Variants in IL20 observed in about 807,000 individuals in gnomAD.
The protein encoded by IL20 is interleukin 20, also known as interleukin-20.
IL20 carries 22 observed loss-of-function variants against 19.2 expected under a neutral mutation model. The observed-to-expected ratio is 1.15, with a 90% CI of 0.82 to 1.64. The LOEUF is 1.64. IL20 is among the 40% of genes most tolerant of loss of function. IL20 has a pLI of 0.00. For synonymous variants in IL20, 70 were observed against 76.2 expected (o/e 0.92, Z 0.43); for missense variants, 215 against 212.8 (o/e 1.01, Z -0.06).
chr1:206,868,149 T>TAC (rs140903616), intron 5 of IL20, among the ~76,000 whole-genome samples: 26 of 151,206 alleles, frequency 1.7e-4, no homozygotes, highest in Admixed American at 1.1e-3. Context: ...AGGCAACCCC[T>TAC]ACACACACAC....
At chr1:206,863,628 C>T (rs1425055218), upstream of IL20, among the ~76,000 whole-genome samples, 1 of 152,224 alleles carries the variant, frequency 6.6e-6, no homozygotes, top group Non-Finnish European at 1.5e-5. Flanking sequence ...TTACCCTCTA[C>T]TGACACTGCT....
rs962544964 is a variant in IL20 at position 206,867,249 on chromosome 1, G to C, written c.379-135G>C. The C allele has an allele frequency of 4.5e-6, 3 of 668,320 alleles. No homozygotes were observed. In the African/African-American group the frequency reaches 5.5e-5, roughly 12 times the overall value. 41.4% of individuals were successfully genotyped at this position (668,320 alleles called of 1,614,324 possible). ...TGAACTTAGTGATTCCAAATGTGAGGTCTGAAAGAGCTTTTCTATAGGAAT... is the reference window on the plus strand; with the variant it reads ...TGAACTTAGTGATTCCAAATGTGAGCTCTGAAAGAGCTTTTCTATAGGAAT... On this transcript the variant is annotated intron_variant, in intron 4 of 5. Coordinates refer to ENST00000367098, the MANE Select transcript of IL20 (RefSeq NM_018724.4).
At chr1:206,867,933 T>C (rs1677606021) in intron 5 of IL20, among the ~76,000 whole-genome samples, 1 of 152,192 alleles carries the variant, frequency 6.6e-6, no homozygotes, top group African/African-American at 2.4e-5. Context: ...AGGAAGGTGC[T>C]GGCTCCTTCT....
rs2232362 is a variant in IL20 at position 206,868,596 on chromosome 1, G to C, written c.*32G>C. Reference sequence around the variant, plus strand: ...AGTGATGCTGCTGCTAAGAATATTCGAGGTCAAGAGCTCCAGTCTTCAATA... The same window carrying C: ...AGTGATGCTGCTGCTAAGAATATTCCAGGTCAAGAGCTCCAGTCTTCAATA... On this transcript the variant is annotated 3_prime_UTR_variant, in exon 6 of 6. Coordinates refer to ENST00000367098, the MANE Select transcript of IL20 (RefSeq NM_018724.4). The C allele has an allele frequency of 6.5e-7, 1 of 1,533,990 alleles. No homozygotes were observed. The highest frequency in any genetic ancestry group is 1.2e-5 in the South Asian group (1 of 81,648).
chr1:206,866,430 T>A, intron 3 of IL20, 54 bp from the exon 4 acceptor site: 3 of 1,613,492 alleles, frequency 1.9e-6, no homozygotes, highest in Non-Finnish European at 2.5e-6. Context: ...ATCACCCTGG[T>A]CTTGTCTCTG....
chr1:206,866,698 T>A, intron 4 of IL20, 62 bp downstream of exon 4: 1 of 1,482,118 alleles, frequency 6.7e-7, no homozygotes, highest in Non-Finnish European at 9.3e-7. Context: ...GCTTAGCAAC[T>A]AAACTCTCTT....
chr1:206,867,988 C>G (rs1484193626), intron 5 of IL20, among the ~76,000 whole-genome samples: 1 of 152,084 alleles, frequency 6.6e-6, no homozygotes, highest in African/African-American at 2.4e-5. Context: ...GAATTTCATC[C>G]CTTTATTCAC....
chr1:206,866,883 T>C (rs1429562842), intron 4 of IL20, among the ~76,000 whole-genome samples: 1 of 152,206 alleles, frequency 6.6e-6, no homozygotes, highest in Non-Finnish European at 1.5e-5. Context: ...TTGATATTAA[T>C]GATAACTCTG....
chr1:206,864,366 C>T (rs1171351893), upstream of IL20, among the ~76,000 whole-genome samples: 3 of 151,544 alleles, frequency 2.0e-5, no homozygotes, highest in Admixed American at 1.3e-4. Context: ...CAGTGCTGTG[C>T]CAAGCTATGG....
In IL20 at chr1:206,866,612, C is replaced by T; in HGVS notation, c.354C>T (p.Thr118=). The T allele has an allele frequency of 6.2e-7, 1 of 1,614,106 alleles. No individual in the cohort carries two copies. The highest frequency in any genetic ancestry group is 8.5e-7 in the Non-Finnish European group (1 of 1,179,986). ...GCAGCCTCGCCAATTCCTTTCTTAC[C>T]ATCAAGAAGGACCTCCGGCTCTGTG... ...KISSLANSFL[T]IKKDLRLCHA... is the part of the protein sequence containing the mutation. Residue 118 remains threonine, a synonymous_variant, in exon 4 of 6, where the codon ACC becomes ACT. Transcript: ENST00000367098.
Position 206,865,933 on chromosome 1 carries a change from A to T in IL20, c.81A>T (p.Thr27=). 6.2e-7 allele frequency: 1 copy of T among 1,614,110 alleles called. No individual in the cohort carries two copies. The highest frequency in any genetic ancestry group is 8.5e-7 in the Non-Finnish European group (1 of 1,180,006). ...LLWTPSTGLK[T]LNLGSCVIAT... is the part of the protein sequence containing the mutation. ...GGACTCCTTCCACTGGACTGAAGAC[A>T]CTCAATTTGGGAAGCTGTGTGATCG... The change falls in exon 2 of 6, where the codon ACA becomes ACT. Residue 27 remains threonine, a synonymous_variant. Coordinates refer to ENST00000367098, the MANE Select transcript of IL20 (RefSeq NM_018724.4). The surrounding 1 kb of genome is among the most constrained non-coding windows in gnomAD (Gnocchi z 4.1).
intron 2 of IL20, 47 bp downstream of exon 2, chr1:206,866,058 T>A (rs773568390): frequency 6.4e-7 from 1 of 1,560,532 alleles, no homozygotes; most frequent in East Asian, 2.2e-5. Flanking sequence ...TTCTCTTCCT[T>A]CCTTGTCCGT....
upstream of IL20, among the ~76,000 whole-genome samples, chr1:206,863,960 T>G (rs1440034838): frequency 1.3e-5 from 2 of 152,244 alleles, no homozygotes; most frequent in Non-Finnish European, 2.9e-5. Context: ...GGGTTAAGTT[T>G]AATTATCACC....
At chr1:206,866,700 A>G in intron 4 of IL20, 64 bp downstream of exon 4, 1 of 1,478,304 alleles carries the variant, frequency 6.8e-7, no homozygotes, top group Non-Finnish European at 9.4e-7. Flanking sequence ...TTAGCAACTA[A>G]ACTCTCTTTC....
intron 5 of IL20, among the ~76,000 whole-genome samples, chr1:206,868,246 T>C (rs931490035): frequency 7.9e-5 from 12 of 152,244 alleles, no homozygotes; most frequent in African/African-American, 2.6e-4. Context: ...GAGTCTTAAG[T>C]AGCAGTTTTA....
At position 206,865,882 on chromosome 1, in the gene IL20, T is replaced by C; in HGVS notation, c.30T>C (p.Leu10=). 6.2e-7 allele frequency: 1 copy of C among 1,614,092 alleles called. No homozygotes were observed. Among genetic ancestry groups the C allele is most frequent in the Non-Finnish European group, 8.5e-7 (1 of 1,179,980 alleles). The part of the protein sequence containing the change: MKASSLAFS[L]LSAAFYLLWT... The stretch of plus-strand genomic sequence containing the variant: ...AAGCCTCTAGTCTTGCCTTCAGCCT[T>C]CTCTCTGCTGCGTTTTATCTCCTAT... The change falls in exon 2 of 6, where the codon CTT becomes CTC. Residue 10 remains leucine (L), a synonymous_variant. Coordinates refer to ENST00000367098, the MANE Select transcript of IL20 (RefSeq NM_018724.4). The surrounding 1 kb of genome is among the most constrained non-coding windows in gnomAD (Gnocchi z 4.1).
At position 206,868,577 on chromosome 1, in the gene IL20, G is replaced by T. The variant is rs1372362129; in HGVS notation, c.*13G>T. ...GGAGACAGAATAGGAGGAAAGTGAT[G>T]CTGCTGCTAAGAATATTCGAGGTCA... On this transcript the variant is annotated 3_prime_UTR_variant, in exon 6 of 6. Transcript: ENST00000367098. 1 of 1,585,894 alleles carries T rather than the reference G, an allele frequency of 6.3e-7. No individual in the cohort carries two copies. Among genetic ancestry groups the T allele is most frequent in the Non-Finnish European group, 8.6e-7 (1 of 1,165,070 alleles).
Position 206,867,477 on chromosome 1 carries a change from T to C in IL20, c.453+19T>C. On this transcript the variant is annotated intron_variant, in intron 5 of 5. Transcript: ENST00000367098. ...TGAAAAGGTATATGCGACTTTGGCA[T>C]TGATTGGGATGGGTGTGTTTTAAGA... The C allele has an allele frequency of 6.3e-7, 1 of 1,598,250 alleles. No homozygotes were observed. Among genetic ancestry groups the C allele is most frequent in the Non-Finnish European group, 8.6e-7 (1 of 1,165,718 alleles).
At chr1:206,865,497 C>G (rs1429923695), upstream of IL20, 1 of 1,033,616 alleles carries the variant, frequency 9.7e-7, no homozygotes, top group Non-Finnish European at 1.2e-6. The surrounding 1 kb of genome is among the most constrained non-coding windows in gnomAD (Gnocchi z 4.1). Context: ...TTGACATTTC[C>G]CCTGAAATGT....
Sources: allele counts gnomAD v4.1 joint callset (sites outside exome capture counted in the v4.1 genomes callset), GRCh38; gene constraint gnomAD v4.1.1; non-coding constraint Gnocchi (gnomAD v3.1); transcripts MANE v1.5; gene names NCBI Gene and HGNC (gene_info 2026-07-23, HGNC 2026-07-21).